HIBADH: variants seen among roughly 807,000 people sequenced by gnomAD.
HIBADH encodes the protein 3-hydroxyisobutyrate dehydrogenase, mitochondrial.
A neutral mutation model predicts 36.1 loss-of-function variants in HIBADH; 25 were observed. The observed-to-expected ratio is 0.69, with a 90% CI of 0.50 to 0.97. The LOEUF (loss-of-function observed/expected upper bound fraction) is 0.97, where lower values mean the gene tolerates loss of function less well. Ranked by LOEUF, HIBADH falls within the 50% of genes least tolerant of loss-of-function variation. The probability of loss-of-function intolerance (pLI) is 0.00; values close to 1 mark genes in which losing one functional copy is unlikely to be tolerated. For missense variants in HIBADH, 421 were observed against 418.0 expected, an observed-to-expected ratio of 1.01 and a Z score of -0.06; for synonymous variants, 160 against 149.5, an observed-to-expected ratio of 1.07 and a Z score of -0.51.
At position 27,661,868 on chromosome 7, in the gene HIBADH, A is replaced by T. The variant is rs143065908; in HGVS notation, c.91+830T>A. ...TAGGAACAACTGATAACAACTTTCT[A>T]GGTCTTGCTGGGAATATCCTGATTC... On this transcript the variant is annotated intron_variant, in intron 1 of 7. Coordinates refer to ENST00000265395, the MANE Select transcript of HIBADH (RefSeq NM_152740.4). 2.8e-4 allele frequency among the ~76,000 whole-genome samples: 42 copies of T among 152,310 alleles called. No individual in the cohort carries two copies. In the East Asian group the frequency reaches 7.9e-3, roughly 29 times the overall value.
At chr7:27,601,611 T>G (rs1785131943) in intron 4 of HIBADH, among the ~76,000 whole-genome samples, 1 of 152,086 alleles carries the variant, frequency 6.6e-6, no homozygotes, top group African/African-American at 2.4e-5. Flanking sequence ...AAATAAAAAT[T>G]TAAAAATTTA....
At position 27,525,572 on chromosome 7, in the gene HIBADH, T is replaced by C. The variant is rs1249371716; in HGVS notation, c.*642A>G. The stretch of plus-strand genomic sequence containing the variant: ...AAGATGTCATTCTTAAGTCAAAAAA[T>C]ACGTAGTAAGAATGAACAAGAAAGA... On this transcript the variant is annotated 3_prime_UTR_variant, in exon 8 of 8. Coordinates refer to ENST00000265395, the MANE Select transcript of HIBADH (RefSeq NM_152740.4). 6.6e-6 allele frequency: 1 copy of C among 151,992 alleles called. No individual in the cohort carries two copies. Among genetic ancestry groups the C allele is most frequent in the Admixed American group, 6.6e-5 (1 of 15,266 alleles). The allele number at this position is 151,992 out of a possible 1,614,324, so 9.4% of individuals were successfully genotyped here.
At chr7:27,586,788 A>C (rs910148239) in intron 4 of HIBADH, among the ~76,000 whole-genome samples, 1 of 152,182 alleles carries the variant, frequency 6.6e-6, no homozygotes, top group Non-Finnish European at 1.5e-5. Context: ...AGATTTATTC[A>C]GCTTAACAAC....
At chr7:27,638,308 C>CAAAAAAAAAAAAAAAAAAAAAAAAAAA (rs368715218) in intron 2 of HIBADH, among the ~76,000 whole-genome samples, 8 of 55,466 alleles carry the variant, frequency 1.4e-4, no homozygotes, top group African/African-American at 6.0e-4. Flanking sequence ...TTGGCAAAGT[C>CAAAAAAAAAAAAAAAAAAAAAAAAAAA]AAAAAAAAAA....
intron 5 of HIBADH, 60 bp downstream of exon 5, chr7:27,542,907 G>GA: frequency 6.5e-7 from 1 of 1,528,626 alleles, no homozygotes; most frequent in Non-Finnish European, 8.9e-7. Context: ...TCAGGAAAGA[G>GA]AAAGGAACAT....
chr7:27,628,939 G>A (rs1421266433), intron 4 of HIBADH, among the ~76,000 whole-genome samples: 2 of 151,982 alleles, frequency 1.3e-5, no homozygotes, highest in Non-Finnish European at 2.9e-5. Context: ...TAGATGATCT[G>A]CTCCTTGAAA....
At chr7:27,539,004 G>T (rs17155460) in intron 5 of HIBADH, among the ~76,000 whole-genome samples, 4,436 of 152,230 alleles carry the variant, frequency 0.029, 195 homozygotes, top group African/African-American at 0.1. Context: ...TAAGAAAATT[G>T]TTTAATATGC....
chr7:27,595,623 T>A (rs183443491), intron 4 of HIBADH, among the ~76,000 whole-genome samples: 4 of 140,650 alleles, frequency 2.8e-5, no homozygotes, highest in Admixed American at 7.3e-5. Context: ...TGTGTGTGTG[T>A]GAACCGCTAT....
intron 4 of HIBADH, among the ~76,000 whole-genome samples, chr7:27,613,100 TTA>T (rs199543684): frequency 0.2 from 25,493 of 129,416 alleles, 3,270 homozygotes; most frequent in East Asian, 0.4. Flanking sequence ...AAATTATAAT[TTA>T]TATATATTCA....
At chr7:27,560,314 T>A (rs1469681743) in intron 4 of HIBADH, among the ~76,000 whole-genome samples, 3 of 152,368 alleles carry the variant, frequency 2.0e-5, no homozygotes, top group Middle Eastern at 6.8e-3. Flanking sequence ...AGACGGGGTT[T>A]CGCCATGTTG....
intron 4 of HIBADH, among the ~76,000 whole-genome samples, chr7:27,592,655 A>C (rs1244327495): frequency 6.6e-6 from 1 of 152,104 alleles, no homozygotes. Flanking sequence ...CTATATCTAT[A>C]TCTCTAGCTC....
At chr7:27,657,184 C>G (rs1226072989) in intron 1 of HIBADH, among the ~76,000 whole-genome samples, 1 of 152,036 alleles carries the variant, frequency 6.6e-6, no homozygotes, top group African/African-American at 2.4e-5. Context: ...TAAGTGACAG[C>G]TGGGGAAAGG....
intron 4 of HIBADH, among the ~76,000 whole-genome samples, chr7:27,568,580 C>A (rs904311590): frequency 4.6e-5 from 7 of 152,132 alleles, no homozygotes; most frequent in Non-Finnish European, 1.5e-5. Context: ...GCCTCGGCCT[C>A]CCAAGTAGGT....
At position 27,527,917 on chromosome 7, in the gene HIBADH, C is replaced by CTTTTTTTTTTTTTTTTTTTTTTTT. The variant is rs1562609863; in HGVS notation, c.853-1546_853-1545insAAAAAAAAAAAAAAAAAAAAAAAA. 2.7e-4 allele frequency among the ~76,000 whole-genome samples: 21 copies of CTTTTTTTTTTTTTTTTTTTTTTTT among 77,032 alleles called. 6 individuals carry two copies. The highest frequency in any genetic ancestry group is 6.6e-4 in the East Asian group (2 of 3,020). The allele number at this position is 77,032 out of a possible 152,430, so 50.5% of individuals were successfully genotyped here. On this transcript the variant is annotated intron_variant, in intron 7 of 7. Coordinates refer to ENST00000265395, the MANE Select transcript of HIBADH (RefSeq NM_152740.4). ...AGGCATTTGCCACCACCACACCCAG[C>CTTTTTTTTTTTTTTTTTTTTTTTT]GTTTTTTTTTTTTTTTTTTTTTTTT...
chr7:27,529,675 A>T (rs1163947230), intron 7 of HIBADH, among the ~76,000 whole-genome samples: 2 of 152,234 alleles, frequency 1.3e-5, no homozygotes, highest in Non-Finnish European at 1.5e-5. Context: ...GAAATGACAG[A>T]AAGGATTTAG....
At chr7:27,533,484 C>T (rs955792944) in intron 6 of HIBADH, among the ~76,000 whole-genome samples, 4 of 152,086 alleles carry the variant, frequency 2.6e-5, no homozygotes, top group Non-Finnish European at 5.9e-5. Context: ...CCTGCCCCCA[C>T]CCGCAGCAAA....
chr7:27,574,246 G>A (rs371458873), intron 4 of HIBADH, among the ~76,000 whole-genome samples: 2 of 151,736 alleles, frequency 1.3e-5, no homozygotes, highest in African/African-American at 4.8e-5. Context: ...TGAATCCCCA[G>A]AGAAAATTTC....
intron 4 of HIBADH, among the ~76,000 whole-genome samples, chr7:27,562,538 C>A (rs1003787978): frequency 1.4e-4 from 21 of 152,220 alleles, no homozygotes; most frequent in African/African-American, 4.8e-4. Flanking sequence ...GTTGCCCACA[C>A]TGATGTGCAG....
At chr7:27,634,470 T>C (rs1014200863) in intron 2 of HIBADH, among the ~76,000 whole-genome samples, 3 of 151,946 alleles carry the variant, frequency 2.0e-5, no homozygotes, top group Non-Finnish European at 2.9e-5. Flanking sequence ...TCAAGAAAAA[T>C]AGAGCTCAGT....
Sources: gnomAD v4.1 joint callset for allele counts (sites outside exome capture counted in the v4.1 genomes callset) on GRCh38, gnomAD v4.1.1 for gene constraint, MANE v1.5 for transcripts, NCBI Gene and HGNC (gene_info 2026-07-23, HGNC 2026-07-21) for gene names.